WWTR1: variants seen among roughly 807,000 people sequenced by gnomAD.
WWTR1 encodes WW domain containing transcription regulator 1.
A neutral mutation model predicts 40.1 loss-of-function variants in WWTR1; 13 were observed. The ratio of observed to expected loss-of-function variants is 0.32; its 90% CI spans 0.21 to 0.52. The LOEUF is 0.52. Ranked by LOEUF, WWTR1 falls within the 20% of genes least tolerant of loss-of-function variation. The pLI, the probability that WWTR1 is intolerant of heterozygous loss-of-function variation, is 0.97. For missense variants in WWTR1, 436 were observed against 523.1 expected, an observed-to-expected ratio of 0.83 and a Z score of 1.63; for synonymous variants, 230 against 210.1, an observed-to-expected ratio of 1.09 and a Z score of -0.82.
chr3:149,630,701 A>G lies in WWTR1; in HGVS notation c.431+26175T>C, dbSNP rs116538108. Among the ~76,000 whole-genome samples the G allele has an allele frequency of 5.8e-3, 882 of 152,342 alleles. 12 individuals carry two copies. Among genetic ancestry groups the G allele is most frequent in the African/African-American group, 0.02 (841 of 41,578 alleles). ...AGGATCAATAGGAAGCAGAGTCACA[A>G]TGCCTAAGGTAATGAGAACGGTTAA... On this transcript the variant is annotated intron_variant, in intron 2 of 6. Coordinates refer to ENST00000360632, the MANE Select transcript of WWTR1 (RefSeq NM_015472.6).
At chr3:149,543,810 G>A (rs1175325777) in intron 3 of WWTR1, among the ~76,000 whole-genome samples, 1 of 150,060 alleles carries the variant, frequency 6.7e-6, no homozygotes, top group Non-Finnish European at 1.5e-5. Flanking sequence ...AAGAAAACAA[G>A]GTATAATTTT....
chr3:149,665,131 A>G (rs1001618542), intron 2 of WWTR1, among the ~76,000 whole-genome samples: 2 of 152,046 alleles, frequency 1.3e-5, no homozygotes, highest in African/African-American at 4.8e-5. Flanking sequence ...TCAACAATAT[A>G]CAGTATGGTT....
At chr3:149,622,470 G>GC in intron 2 of WWTR1, among the ~76,000 whole-genome samples, 1 of 99,132 alleles carries the variant, frequency 1.0e-5, no homozygotes, top group Non-Finnish European at 2.2e-5. Flanking sequence ...AGGAAGGAAG[G>GC]AAGGAAGGAA....
intron 2 of WWTR1, among the ~76,000 whole-genome samples, chr3:149,638,257 G>A (rs148241130): frequency 3.9e-5 from 6 of 152,190 alleles, no homozygotes; most frequent in Admixed American, 6.5e-5. Flanking sequence ...TGCAGTGGCC[G>A]TGAGCATAAA....
At chr3:149,588,774 C>T (rs1738557747) in intron 2 of WWTR1, among the ~76,000 whole-genome samples, 1 of 152,164 alleles carries the variant, frequency 6.6e-6, no homozygotes, top group African/African-American at 2.4e-5. Context: ...AATGATGCTG[C>T]ATTCCACATT....
chr3:149,553,957 C>T (rs181965625), intron 3 of WWTR1, among the ~76,000 whole-genome samples: 7 of 152,252 alleles, frequency 4.6e-5, no homozygotes, highest in Non-Finnish European at 7.4e-5. Context: ...GCTGCAGACG[C>T]GTCTCTCGCC....
chr3:149,543,580 CAAAA>C (rs755442408), intron 3 of WWTR1, among the ~76,000 whole-genome samples: 44 of 31,228 alleles, frequency 1.4e-3, no homozygotes, highest in Admixed American at 3.7e-3. Context: ...GACTCTGTCT[CAAAA>C]AAAAAAAAAA....
chr3:149,659,331 A>ATTTTTTTTTTTTTTTTTTTTTTTTTTT (rs71138403), upstream of WWTR1: 5 of 106,464 alleles, frequency 4.7e-5, 1 homozygote, highest in African/African-American at 1.9e-4. Context: ...TTGTGCCTTA[A>ATTTTTTTTTTTTTTTTTTTTTTTTTTT]TTTTTTTTTT....
chr3:149,580,153 T>C (rs770516972), intron 2 of WWTR1, among the ~76,000 whole-genome samples: 5 of 152,272 alleles, frequency 3.3e-5, no homozygotes, highest in Non-Finnish European at 7.3e-5. Flanking sequence ...TAAATCAAAT[T>C]AAACATTCTA....
intron 1 of WWTR1, among the ~76,000 whole-genome samples, chr3:149,700,841 C>T (rs1382654817): frequency 6.6e-6 from 1 of 152,152 alleles, no homozygotes; most frequent in East Asian, 1.9e-4. Flanking sequence ...AAGCCGTGCC[C>T]AATACACACT....
At chr3:149,652,558 G>GGCTTCAGT (rs1486896115) in intron 2 of WWTR1, among the ~76,000 whole-genome samples, 1 of 132,590 alleles carries the variant, frequency 7.5e-6, no homozygotes, top group East Asian at 2.4e-4. Context: ...AGGAATTTGA[G>GGCTTCAGT]GCTTCAGTGA....
At chr3:149,618,977 C>A (rs1740136630) in intron 2 of WWTR1, among the ~76,000 whole-genome samples, 1 of 152,122 alleles carries the variant, frequency 6.6e-6, no homozygotes, top group Non-Finnish European at 1.5e-5. Flanking sequence ...CCAGAGATAT[C>A]CAGGCTGCTT....
At position 149,656,923 on chromosome 3, in the gene WWTR1, CG is replaced by C. The variant is rs1485853361; in HGVS notation, c.383del (p.Pro128ArgfsTer5). 3.8e-6 allele frequency: 6 copies of C among 1,566,210 alleles called. No homozygotes were observed. Among genetic ancestry groups the C allele is most frequent in the Admixed American group, 3.7e-5 (2 of 53,750 alleles). On this transcript the variant is annotated frameshift_variant, in exon 2 of 7. Transcript: ENST00000360632. LOFTEE classifies it high-confidence loss of function. Reference protein sequence around the residue: ...YDVTDELPLPPGWEMTFTATG... With the variant: ...YDVTDELPLPXGWEMTFTATG... ...TGGCCGTGAAGGTCATCTCCCAGCCCGGGGGCAGTGGCAGCTCGTCGGTCAC... is the reference window on the plus strand; with the variant it reads ...TGGCCGTGAAGGTCATCTCCCAGCCCGGGGCAGTGGCAGCTCGTCGGTCAC...
rs150418088 is a variant in WWTR1, at chr3:149,639,284, C to T, written c.431+17592G>A. The stretch of plus-strand genomic sequence containing the variant: ...GTGGTGCAATCATAGTTCACTGCAA[C>T]CCTGAATTCATAGGCTGAAGTGATC... On this transcript the variant is annotated intron_variant, in intron 2 of 6. Coordinates refer to ENST00000360632, the MANE Select transcript of WWTR1 (RefSeq NM_015472.6). Among the ~76,000 whole-genome samples, 1,250 of 152,266 alleles carry T rather than the reference C, an allele frequency of 8.2e-3. 9 individuals are homozygous for T. Among genetic ancestry groups the T allele is most frequent in the Non-Finnish European group, 0.013 (899 of 68,028 alleles).
chr3:149,594,950 CT>C (rs563658190), intron 2 of WWTR1, among the ~76,000 whole-genome samples: 1,217 of 61,558 alleles, frequency 0.02, 6 homozygotes, highest in African/African-American at 0.055. Context: ...CTCTTTTTTA[CT>C]TTTTTTTTTT....
chr3:149,666,147 A>G (rs1321382917), intron 2 of WWTR1, among the ~76,000 whole-genome samples: 1 of 152,210 alleles, frequency 6.6e-6, no homozygotes, highest in Non-Finnish European at 1.5e-5. Context: ...TGTTCAAGCC[A>G]CTGCTCTTCC....
chr3:149,663,846 A>T (rs1713691669), intron 2 of WWTR1, among the ~76,000 whole-genome samples: 1 of 152,170 alleles, frequency 6.6e-6, no homozygotes, highest in African/African-American at 2.4e-5. Context: ...ATTCACTACG[A>T]TTTCAGCTAC....
rs868682233 is a variant in WWTR1, at chr3:149,651,992, A to T, written c.431+4884T>A. Among the ~76,000 whole-genome samples, 60 of 93,706 alleles carry T rather than the reference A, an allele frequency of 6.4e-4. 1 individual carries two copies. Among genetic ancestry groups the T allele is most frequent in the South Asian group, 1.5e-3 (3 of 2,054 alleles). The allele number at this position is 93,706 out of a possible 152,430, so 61.5% of individuals were successfully genotyped here. On this transcript the variant is annotated intron_variant, in intron 2 of 6. Transcript: ENST00000360632. The stretch of plus-strand genomic sequence containing the variant: ...AGGCGCCCGCTGCCACGCCCGGCTA[A>T]TTTTTTTTTTTTTTTTTTTTTTTGT...
intron 2 of WWTR1, among the ~76,000 whole-genome samples, chr3:149,616,606 C>G (rs934061981): frequency 1.3e-5 from 2 of 152,066 alleles, no homozygotes; most frequent in Non-Finnish European, 2.9e-5. Context: ...CCACACCTGG[C>G]TAATTTTGTA....
Sources: gnomAD v4.1 joint callset for allele counts (sites outside exome capture counted in the v4.1 genomes callset) on GRCh38, gnomAD v4.1.1 for gene constraint, MANE v1.5 for transcripts, NCBI Gene and HGNC (gene_info 2026-07-23, HGNC 2026-07-21) for gene names.